The following GLB1L3 variants were observed in gnomAD, a reference collection of about 807,000 sequenced individuals.
GLB1L3 encodes the protein beta-galactosidase-1-like protein 3.
A neutral mutation model predicts 89.5 loss-of-function variants in GLB1L3; 89 were observed. That is an observed-to-expected ratio of 0.99 (90% CI 0.84 to 1.19). The LOEUF (loss-of-function observed/expected upper bound fraction) is 1.19, where lower values mean the gene tolerates loss of function less well. GLB1L3 is among the 50% of genes most tolerant of loss of function. The probability of loss-of-function intolerance (pLI) is 0.00; values close to 1 mark genes in which losing one functional copy is unlikely to be tolerated. For missense variants in GLB1L3, 812 were observed against 813.3 expected (o/e 1.00, Z 0.02); for synonymous variants, 314 against 312.3 (o/e 1.01, Z -0.06).
At chr11:134,309,031 C>T (rs181202632) in intron 10 of GLB1L3, among the ~76,000 whole-genome samples, 5 of 152,190 alleles carry the variant, frequency 3.3e-5, no homozygotes, top group East Asian at 3.9e-4. Flanking sequence ...TGGACTATGG[C>T]GGTGTTTCCA....
At chr11:134,276,899 GTCCCC>G (rs1025591145) in intron 1 of GLB1L3, 136 bp downstream of exon 1, 1 of 781,236 alleles carries the variant, frequency 1.3e-6, no homozygotes, top group African/African-American at 1.8e-5. Context: ...CAAGCCCGCT[GTCCCC>G]AGCTTTCCTC....
intron 10 of GLB1L3, among the ~76,000 whole-genome samples, chr11:134,307,953 TC>T (rs1942276395): frequency 2.6e-5 from 4 of 152,150 alleles, no homozygotes; most frequent in African/African-American, 9.7e-5. Context: ...GCCACTTGTA[TC>T]TGAAGTATAG....
chr11:134,314,127 G>GTGA, intron 17 of GLB1L3, 99 bp downstream of exon 17: 1 of 865,052 alleles, frequency 1.2e-6, no homozygotes, highest in Non-Finnish European at 1.9e-6. Flanking sequence ...TAGAGACTGA[G>GTGA]TGATGTACTC....
chr11:134,311,184 GGC>G lies in GLB1L3; in HGVS notation c.1287+15_1287+16del, dbSNP rs1198079157. The G allele has an allele frequency of 6.3e-7, 1 of 1,594,020 alleles. No homozygotes were observed. Among genetic ancestry groups the G allele is most frequent in the Non-Finnish European group, 8.6e-7 (1 of 1,162,018 alleles). On this transcript the variant is annotated intron_variant, in intron 13 of 19. Transcript: ENST00000431683. ...TACTTAAATGAGGTGCGTGCTGCCT[GGC>G]CACAGGAGGCGGAGTGGCCATTGGA...
chr11:134,309,444 ATTGT>A (rs1942609328), intron 10 of GLB1L3, among the ~76,000 whole-genome samples, 178 bp from the exon 11 acceptor site: 1 of 150,174 alleles, frequency 6.7e-6, no homozygotes, highest in Non-Finnish European at 1.5e-5. Context: ...TGAGAGAAAA[ATTGT>A]TTTTTTTTTT....
intron 9 of GLB1L3, among the ~76,000 whole-genome samples, chr11:134,305,516 T>C (rs1591572608): frequency 2.0e-5 from 3 of 152,324 alleles, no homozygotes; most frequent in Admixed American, 2.0e-4. Context: ...TCTCAGTCCT[T>C]ATTTTGATTT....
At chr11:134,305,385 T>C (rs1942153115) in intron 9 of GLB1L3, 1 of 449,880 alleles carries the variant, frequency 2.2e-6, no homozygotes, top group Non-Finnish European at 3.9e-6. Flanking sequence ...GAGCATTCTC[T>C]CTCTACGTTT....
At chr11:134,323,379 GCACACACACACACACGTACACACACA>G (rs960973200), downstream of GLB1L3, among the ~76,000 whole-genome samples, 5 of 136,602 alleles carry the variant, frequency 3.7e-5, no homozygotes, top group African/African-American at 1.3e-4. Flanking sequence ...ACATGCGTGC[GCACACACACACACACGTACACACACA>G]CACACACACA....
chr11:134,280,638 G>A (rs1940631514), intron 3 of GLB1L3, among the ~76,000 whole-genome samples: 1 of 151,568 alleles, frequency 6.6e-6, no homozygotes, highest in African/African-American at 2.4e-5. Flanking sequence ...AAGCTATGTT[G>A]TAACTTACAA....
Position 134,277,364 on chromosome 11 carries a change from TC to T in GLB1L3, c.64del (p.Leu22CysfsTer35). 1.2e-6 allele frequency: 2 copies of T among 1,613,926 alleles called. No individual in the cohort carries two copies. The highest frequency in any genetic ancestry group is 8.5e-7 in the Non-Finnish European group (1 of 1,179,866). The stretch of plus-strand genomic sequence containing the variant: ...TGGAAGAGAATGGCGGGCATCTTTT[TC>T]CTGCCATTTATCTCATCAGGTTTTG... ...LSWKRMAGIF[F>X]LPFISSGFAP... is the part of the protein sequence containing the mutation. On this transcript the variant is annotated frameshift_variant, in exon 2 of 20. Coordinates refer to ENST00000431683, the MANE Select transcript of GLB1L3 (RefSeq NM_001080407.3). LOFTEE classifies it high-confidence loss of function.
intron 8 of GLB1L3, chr11:134,292,831 C>T (rs192497204): frequency 1.4e-4 from 66 of 473,946 alleles, no homozygotes; most frequent in African/African-American, 1.1e-3. Flanking sequence ...CACACTGGAA[C>T]ACGTGCTGAG....
At chr11:134,277,618 C>T in intron 2 of GLB1L3, 82 bp from the exon 3 acceptor site, 1 of 1,528,870 alleles carries the variant, frequency 6.5e-7, no homozygotes, top group Non-Finnish European at 8.9e-7. Flanking sequence ...CTTCTTTTCG[C>T]TAGGGTTTCA....
At chr11:134,309,540 G>T in intron 10 of GLB1L3, 86 bp from the exon 11 acceptor site, 1 of 964,306 alleles carries the variant, frequency 1.0e-6, no homozygotes, top group Non-Finnish European at 1.5e-6. Flanking sequence ...TTGTGGAGTG[G>T]GGTTGGAAAG....
chr11:134,311,139 C>T lies in GLB1L3; in HGVS notation c.1256C>T (p.Pro419Leu), dbSNP rs766182496. The T allele has an allele frequency of 2.6e-5, 42 of 1,613,706 alleles. No individual in the cohort carries two copies. Among genetic ancestry groups the T allele is most frequent in the East Asian group, 2.2e-4 (10 of 44,886 alleles). The stretch of plus-strand genomic sequence containing the variant: ...CCCGTGAGACCGTCGCTGTACCTCC[C>T]GCTGTGGGACGCCCTATCCTACTTA... ...YPPVRPSLYL[P>L]LWDALSYLNE... The change falls in exon 13 of 20, where the codon CCG (proline) becomes CTG (leucine). Residue 419 changes from proline to leucine, a missense_variant. Pro to Leu is a moderately conservative substitution (Grantham distance 98). Transcript: ENST00000431683.
rs553746231 is a variant in GLB1L3 at position 134,305,106 on chromosome 11, T to C, written c.877-2018T>C. ...TACCCATCTTCCTTTTTGCTTTCTC[T>C]CCTCCCAGGGAGCCAGTATAGATGC... On this transcript the variant is annotated intron_variant, in intron 9 of 19. Transcript: ENST00000431683. 240 of 1,549,244 alleles carry C rather than the reference T, an allele frequency of 1.5e-4. No homozygotes were observed. In the African/African-American group the frequency reaches 2.9e-3, roughly 19 times the overall value.
rs1262215856 is a variant in GLB1L3 at position 134,318,666 on chromosome 11, T to C, written c.1815T>C (p.Arg605=). The C allele has an allele frequency of 6.2e-7, 1 of 1,612,604 alleles. No homozygotes were observed. Among genetic ancestry groups the C allele is most frequent in the Admixed American group, 1.7e-5 (1 of 59,954 alleles). Residue 605 remains arginine, a synonymous_variant, in exon 19 of 20, where the codon CGT becomes CGC. Transcript: ENST00000431683. ...ATGGATTTGTGTTCATCAATGGACG[T>C]AACCTTGGGCGATATTGGAATATTG... ...WNYGFVFING[R]NLGRYWNIGP... is the part of the protein sequence containing the mutation.
At chr11:134,325,224 T>G in the GLB1L3 span, among the ~76,000 whole-genome samples, 1 of 152,210 alleles carries the variant, frequency 6.6e-6, no homozygotes, top group African/African-American at 2.4e-5. Flanking sequence ...ACATCTCAAA[T>G]GCATACTTGC....
intron 9 of GLB1L3, among the ~76,000 whole-genome samples, chr11:134,296,439 AC>A (rs1941642490): frequency 7.6e-6 from 1 of 131,450 alleles, no homozygotes; most frequent in Non-Finnish European, 1.6e-5. Flanking sequence ...CTTGGAACCA[AC>A]CCAAATGTCC....
At chr11:134,304,113 G>A (rs189886144) in intron 9 of GLB1L3, among the ~76,000 whole-genome samples, 21 of 152,164 alleles carry the variant, frequency 1.4e-4, no homozygotes, top group Admixed American at 6.5e-4. Context: ...TTCTTCAAAT[G>A]TTGCTTCTCC....
Sources: gnomAD v4.1 joint callset for allele counts (sites outside exome capture counted in the v4.1 genomes callset) on GRCh38, gnomAD v4.1.1 for gene constraint, MANE v1.5 for transcripts, NCBI Gene and HGNC (gene_info 2026-07-23, HGNC 2026-07-21) for gene names.